The following FOXP1 variants were observed in gnomAD, a reference collection of about 807,000 sequenced individuals.
FOXP1 encodes the protein forkhead box protein P1.
FOXP1 carries 15 observed loss-of-function variants against 98.2 expected under a neutral mutation model. The ratio of observed to expected loss-of-function variants is 0.15; its 90% confidence interval spans 0.10 to 0.24. FOXP1 has a LOEUF of 0.24. Ranked by LOEUF, FOXP1 falls within the 10% of genes least tolerant of loss-of-function variation. FOXP1 has a pLI of 1.00. For missense variants in FOXP1, 633 were observed against 848.5 expected (o/e 0.75, Z 3.15); for synonymous variants, 371 against 314.5 (o/e 1.18, Z -1.90).
intron 5 of FOXP1, among the ~76,000 whole-genome samples, chr3:71,202,796 T>C (rs1410823032): frequency 6.6e-6 from 1 of 152,172 alleles, no homozygotes; most frequent in Non-Finnish European, 1.5e-5. Context: ...TAAAATACAA[T>C]GATATAAGCC....
Position 71,166,742 on chromosome 3 carries a change from T to A in FOXP1, c.180+31460A>T, listed in dbSNP as rs73839413. On this transcript the variant is annotated intron_variant, in intron 6 of 20. Coordinates refer to ENST00000649528, the MANE Select transcript of FOXP1 (RefSeq NM_001349338.3). ...CTACTTTTACAACCAGAAAGCATTC[T>A]AAACACACAGAAAATACTTTTTTAA... Among the ~76,000 whole-genome samples the A allele has an allele frequency of 7.0e-3, 1,060 of 152,294 alleles. 12 individuals carry two copies. Among genetic ancestry groups the A allele is most frequent in the African/African-American group, 0.024 (1,012 of 41,548 alleles).
intron 5 of FOXP1, among the ~76,000 whole-genome samples, chr3:71,296,663 T>C (rs1576828819): frequency 6.6e-6 from 1 of 151,994 alleles, no homozygotes; most frequent in African/African-American, 2.4e-5. Context: ...ATACTGAAGA[T>C]GATGTATGAT....
At chr3:71,287,968 C>T (rs2072337750) in intron 5 of FOXP1, among the ~76,000 whole-genome samples, 1 of 151,838 alleles carries the variant, frequency 6.6e-6, no homozygotes, top group Non-Finnish European at 1.5e-5. Flanking sequence ...GCAACCTCTG[C>T]CTCCCGGGTT....
chr3:71,373,658 A>G (rs755344066), intron 3 of FOXP1, among the ~76,000 whole-genome samples: 14 of 152,234 alleles, frequency 9.2e-5, no homozygotes, highest in Non-Finnish European at 1.8e-4. Context: ...GTGGCTTTGG[A>G]AAAGTCATGC....
At chr3:71,248,037 C>T (rs757630827) in intron 5 of FOXP1, among the ~76,000 whole-genome samples, 1 of 152,174 alleles carries the variant, frequency 6.6e-6, no homozygotes, top group Non-Finnish European at 1.5e-5. Flanking sequence ...AGCACAATAG[C>T]AAGACAGATT....
intron 5 of FOXP1, among the ~76,000 whole-genome samples, chr3:71,239,974 G>A (rs934307201): frequency 1.3e-5 from 2 of 152,206 alleles, no homozygotes; most frequent in Non-Finnish European, 2.9e-5. Context: ...ACTGCTGGGG[G>A]CAGGGTTGAC....
intron 2 of FOXP1, among the ~76,000 whole-genome samples, chr3:71,536,368 G>A (rs1226069389): frequency 6.6e-6 from 1 of 152,108 alleles, no homozygotes; most frequent in African/African-American, 2.4e-5. Context: ...AATGCTCAGA[G>A]GGTCTATGTC....
chr3:71,179,433 C>G (rs1199382430), intron 6 of FOXP1, among the ~76,000 whole-genome samples: 2 of 151,978 alleles, frequency 1.3e-5, no homozygotes, highest in Non-Finnish European at 2.9e-5. Context: ...AAGAATTGTG[C>G]CTAAATATGG....
chr3:71,403,027 C>T (rs2082048439), intron 3 of FOXP1, among the ~76,000 whole-genome samples: 1 of 152,202 alleles, frequency 6.6e-6, no homozygotes, highest in Non-Finnish European at 1.5e-5. Flanking sequence ...GCCAAGCACC[C>T]TCTTCGTCAG....
At chr3:71,321,871 C>T (rs1463372780) in intron 4 of FOXP1, among the ~76,000 whole-genome samples, 4 of 152,156 alleles carry the variant, frequency 2.6e-5, no homozygotes, top group East Asian at 1.9e-4. Context: ...CCGCCTGCCT[C>T]GGCCTCCCAA....
intron 7 of FOXP1, among the ~76,000 whole-genome samples, chr3:71,104,760 T>C (rs1195959889): frequency 2.0e-5 from 3 of 152,222 alleles, no homozygotes; most frequent in African/African-American, 7.2e-5. Flanking sequence ...GTAAACATCC[T>C]GAACATTACC....
intron 3 of FOXP1, among the ~76,000 whole-genome samples, chr3:71,451,535 G>GTT: frequency 6.7e-6 from 1 of 149,868 alleles, no homozygotes; most frequent in East Asian, 2.0e-4. Context: ...ATTTAAATGA[G>GTT]TTTTTTTTTT....
intron 2 of FOXP1, among the ~76,000 whole-genome samples, chr3:71,538,443 TTTAG>T (rs1369863823): frequency 6.6e-6 from 1 of 152,242 alleles, no homozygotes; most frequent in East Asian, 1.9e-4. Flanking sequence ...TCTGGCTTCT[TTTAG>T]TTAGCACAAT....
intron 3 of FOXP1, among the ~76,000 whole-genome samples, chr3:71,448,497 T>G (rs58430358): frequency 0.032 from 4,819 of 152,266 alleles, 237 homozygotes; most frequent in African/African-American, 0.11. Context: ...TCACTGGTAT[T>G]AAGAGCACTG....
intron 6 of FOXP1, among the ~76,000 whole-genome samples, chr3:71,114,160 A>G (rs1190003356): frequency 6.6e-6 from 1 of 152,252 alleles, no homozygotes; most frequent in Non-Finnish European, 1.5e-5. Flanking sequence ...TAGCCTTAGA[A>G]AGTTAGCATA....
intron 4 of FOXP1, among the ~76,000 whole-genome samples, chr3:71,349,157 G>A (rs1044702677): frequency 1.5e-5 from 2 of 136,804 alleles, no homozygotes; most frequent in Non-Finnish European, 3.3e-5. Flanking sequence ...TATAATCAAG[G>A]TATTAAATCA....
At position 71,583,637 on chromosome 3, in the gene FOXP1, C is replaced by T. The variant is rs1484749479; in HGVS notation, c.-513G>A. 1.0e-6 allele frequency: 1 copy of T among 984,444 alleles called. No homozygotes were observed. The highest frequency in any genetic ancestry group is 1.1e-4 in the East Asian group (1 of 8,734). 61.0% of individuals were successfully genotyped at this position (984,444 alleles called of 1,614,324 possible). A position where few individuals can be genotyped will look rare whatever the true frequency, so the allele number is the denominator to read the frequency against. Reference sequence around the variant, plus strand: ...GGCCTTTCCCCGCGCGCGCCCACTCCCGCCCGCGCGCGCACCCCGCGCACA... The same window carrying T: ...GGCCTTTCCCCGCGCGCGCCCACTCTCGCCCGCGCGCGCACCCCGCGCACA... On this transcript the variant is annotated 5_prime_UTR_variant, in exon 1 of 21. Transcript: ENST00000649528.
chr3:71,308,466 C>A (rs925543464), intron 4 of FOXP1, among the ~76,000 whole-genome samples: 1 of 152,120 alleles, frequency 6.6e-6, no homozygotes, highest in Non-Finnish European at 1.5e-5. Flanking sequence ...ATTTCAAGAA[C>A]TGATCAGATA....
chr3:71,133,296 A>T (rs77877421), intron 6 of FOXP1, among the ~76,000 whole-genome samples: 5,019 of 152,308 alleles, frequency 0.033, 112 homozygotes, highest in Non-Finnish European at 0.053. Context: ...TTTGTGATAT[A>T]AACAACTTTT....
Sources: allele counts gnomAD v4.1 joint callset (sites outside exome capture counted in the v4.1 genomes callset), GRCh38; gene constraint gnomAD v4.1.1; transcripts MANE v1.5; gene names NCBI Gene and HGNC (gene_info 2026-07-23, HGNC 2026-07-21).